LIG1: variants seen among roughly 807,000 people sequenced by gnomAD.
LIG1 encodes the protein DNA ligase 1.
LIG1 carries 70 observed loss-of-function variants against 115.7 expected under a neutral mutation model. The observed-to-expected ratio is 0.60, with a 90% confidence interval of 0.50 to 0.74. The LOEUF (loss-of-function observed/expected upper bound fraction) is 0.74, where lower values mean the gene tolerates loss of function less well. Among genes scored for constraint, LIG1 ranks in the 30% least tolerant of loss-of-function variants. LIG1 has a pLI of 0.00. For missense variants in LIG1, 1,115 were observed against 1,225.6 expected, an observed-to-expected ratio of 0.91 and a Z score of 1.35; for synonymous variants, 487 against 495.3, an observed-to-expected ratio of 0.98 and a Z score of 0.22.
chr19:48,125,264 A>G (rs1228395551), intron 21 of LIG1, among the ~76,000 whole-genome samples: 4 of 152,200 alleles, frequency 2.6e-5, no homozygotes, highest in Non-Finnish European at 1.5e-5. Context: ...GGGATGATCA[A>G]ATCCTGCAGA....
rs2033393652 is a variant in LIG1 at position 48,122,916 on chromosome 19, T to C, written c.2232+18A>G. 8 of 1,610,994 alleles carry C rather than the reference T, an allele frequency of 5.0e-6. No individual in the cohort carries two copies. The East Asian group carries it at 1.6e-4, about 31-fold the overall frequency. On this transcript the variant is annotated intron_variant, in intron 23 of 27. Coordinates refer to ENST00000263274, the MANE Select transcript of LIG1 (RefSeq NM_000234.3). The surrounding 1 kb of genome is among the most constrained non-coding windows in gnomAD (Gnocchi z 4.3). ...CAGACCCGGGGTGGAGAAGGCCCAG[T>C]TGGGGGTCGAGAATCACCTTGAGCC...
In LIG1 at chr19:48,123,094, G is replaced by A. The variant is rs939638550; in HGVS notation, c.2150-78C>T. On this transcript the variant is annotated intron_variant, in intron 22 of 27. Transcript: ENST00000263274. ...GGAGCAGGCAGGATTCTGGTCAAAC[G>A]GTCCAGGACTGGGGACAGGCTGGGA... is the stretch of plus-strand genomic sequence containing the variant. The A allele has an allele frequency of 1.5e-4, 244 of 1,611,034 alleles. 1 individual carries two copies. The South Asian group carries it at 2.5e-3, about 16-fold the overall frequency.
At chr19:48,140,318 G>A (rs1185031324) in intron 11 of LIG1, among the ~76,000 whole-genome samples, 175 bp from the exon 12 acceptor site, 1 of 152,156 alleles carries the variant, frequency 6.6e-6, no homozygotes, top group Admixed American at 6.5e-5. Flanking sequence ...ACAGATTGCT[G>A]GAGGTGAAAC....
intron 15 of LIG1, 125 bp from the exon 16 acceptor site, chr19:48,135,904 C>CA (rs1485833637): frequency 1.5e-5 from 14 of 928,062 alleles, no homozygotes; most frequent in African/African-American, 8.1e-5. Flanking sequence ...CCCTCCCCCC[C>CA]ACCCAGGAGA....
rs112916838 is a variant in LIG1 at position 48,164,661 on chromosome 19, C to T, written c.17+889G>A. Among the ~76,000 whole-genome samples, 19 of 152,336 alleles carry T rather than the reference C, an allele frequency of 1.2e-4. 2 individuals carry two copies. Among genetic ancestry groups the T allele is most frequent in the African/African-American group, 4.6e-4 (19 of 41,576 alleles). ...CAACCTCAAGGACAGTAGAGCTGAA[C>T]AATGGAGAGAGACAGATTCCCAGGG... is the stretch of plus-strand genomic sequence containing the variant. On this transcript the variant is annotated intron_variant, in intron 2 of 27. Transcript: ENST00000263274.
intron 25 of LIG1, chr19:48,118,372 G>C (rs1044373708): frequency 2.4e-5 from 4 of 166,736 alleles, no homozygotes; most frequent in African/African-American, 9.6e-5. Flanking sequence ...GAAGTCTCAC[G>C]AGATCTGACG....
Position 48,151,332 on chromosome 19 carries a change from C to T in LIG1, c.474G>A (p.Glu158=). 5 of 1,607,922 alleles carry T rather than the reference C, an allele frequency of 3.1e-6. No homozygotes were observed. The highest frequency in any genetic ancestry group is 2.6e-6 in the Non-Finnish European group (3 of 1,174,416). Residue 158 remains glutamate (E), a synonymous_variant, in exon 7 of 28, where the codon GAG becomes GAA. Transcript: ENST00000263274. ...AKRKKEEEEE[E]TPKESLTEAE... ...CCTCTGTGAGGCTTTCTTTCGGGGT[C>T]TCCTCTTCTGACGATAGACAGAACG...
chr19:48,119,444 C>T (rs1343506385), intron 24 of LIG1, among the ~76,000 whole-genome samples: 2 of 151,884 alleles, frequency 1.3e-5, no homozygotes, highest in Non-Finnish European at 2.9e-5. Flanking sequence ...TTGCTGCTTC[C>T]ACTGTCTCCC....
chr19:48,165,673 C>A, intron 1 of LIG1, 50 bp from the exon 2 acceptor site: 11 of 1,257,002 alleles, frequency 8.8e-6, no homozygotes, highest in East Asian at 2.3e-5. Flanking sequence ...GTGCAGAGAT[C>A]TAAACACACA....
intron 17 of LIG1, 157 bp from the exon 18 acceptor site, chr19:48,133,254 C>A (rs1047860458): frequency 6.2e-6 from 4 of 641,212 alleles, no homozygotes; most frequent in East Asian, 2.7e-5. Flanking sequence ...TAGCCTCCCA[C>A]TGGGGACTAC....
At chr19:48,152,173 A>C (rs1451001396) in intron 6 of LIG1, among the ~76,000 whole-genome samples, 3 of 152,148 alleles carry the variant, frequency 2.0e-5, no homozygotes, top group Non-Finnish European at 4.4e-5. Flanking sequence ...CCCAGGCTAG[A>C]GTGCAGTGGC....
chr19:48,155,835 C>G (rs964799378), intron 5 of LIG1, among the ~76,000 whole-genome samples: 1 of 152,130 alleles, frequency 6.6e-6, no homozygotes, highest in Non-Finnish European at 1.5e-5. Context: ...TATTCACATA[C>G]CAAAGCTGTT....
chr19:48,157,125 A>C lies in LIG1; in HGVS notation c.259T>G (p.Cys87Gly), dbSNP rs952948549. Residue 87 changes from cysteine (C) to glycine (G), a missense_variant, in exon 5 of 28, where the codon TGC becomes GGC. Cys to Gly is a radical substitution (Grantham distance 159). Coordinates refer to ENST00000263274, the MANE Select transcript of LIG1 (RefSeq NM_000234.3). Reference sequence around the variant, plus strand: ...GGACGGGGCGGGGAGACCTGTGAGCAGTCCAGGGCAGGCTTCTGGAAGAGG... The same window carrying C: ...GGACGGGGCGGGGAGACCTGTGAGCCGTCCAGGGCAGGCTTCTGGAAGAGG... The part of the protein sequence containing the change: ...PAKGQKPALD[C>G]SQVSPPRPAT... 1 of 1,611,964 alleles carries C rather than the reference A, an allele frequency of 6.2e-7. No individual in the cohort carries two copies. The highest frequency in any genetic ancestry group is 8.5e-7 in the Non-Finnish European group (1 of 1,178,906).
At chr19:48,140,245 G>A (rs959572103) in intron 11 of LIG1, 102 bp from the exon 12 acceptor site, 8 of 752,014 alleles carry the variant, frequency 1.1e-5, no homozygotes, top group African/African-American at 1.0e-4. Context: ...AAGAAATGGA[G>A]AAAGAAGAGG....
At chr19:48,164,755 G>A (rs1464499754) in intron 2 of LIG1, among the ~76,000 whole-genome samples, 8 of 152,216 alleles carry the variant, frequency 5.3e-5, no homozygotes, top group Non-Finnish European at 1.0e-4. Context: ...AATGATATAA[G>A]TCAAGTCATG....
At chr19:48,120,230 C>T (rs2033169826) in intron 24 of LIG1, 1 of 985,370 alleles carries the variant, frequency 1.0e-6, no homozygotes. Flanking sequence ...CAGGACACAG[C>T]ACTATGTGCT....
chr19:48,140,698 C>T (rs552859971), intron 11 of LIG1, among the ~76,000 whole-genome samples: 40 of 152,124 alleles, frequency 2.6e-4, no homozygotes, highest in Non-Finnish European at 5.0e-4. Flanking sequence ...CTCAGTCTGA[C>T]GCCACCCAGA....
At chr19:48,129,393 G>A (rs1216105492) in intron 19 of LIG1, among the ~76,000 whole-genome samples, 1 of 152,050 alleles carries the variant, frequency 6.6e-6, no homozygotes, top group Non-Finnish European at 1.5e-5. Context: ...CCTTTCCTGT[G>A]GAGCCCGGAT....
chr19:48,141,512 G>T (rs559649631), intron 11 of LIG1, among the ~76,000 whole-genome samples: 2 of 152,182 alleles, frequency 1.3e-5, no homozygotes, highest in Non-Finnish European at 2.9e-5. Context: ...TACGGATAAA[G>T]AAACAGAGGC....
Sources: allele counts gnomAD v4.1 joint callset (sites outside exome capture counted in the v4.1 genomes callset), GRCh38; gene constraint gnomAD v4.1.1; non-coding constraint Gnocchi (gnomAD v3.1); transcripts MANE v1.5; gene names NCBI Gene and HGNC (gene_info 2026-07-23, HGNC 2026-07-21).